DNMBP: variants seen among roughly 807,000 people sequenced by gnomAD.
The protein encoded by DNMBP is dynamin binding protein, also known as dynamin-binding protein.
A neutral mutation model predicts 150.0 loss-of-function variants in DNMBP; 87 were observed. The ratio of observed to expected loss-of-function variants is 0.58; its 90% CI spans 0.49 to 0.69. The LOEUF is 0.69. Among genes scored for constraint, DNMBP ranks in the 30% least tolerant of loss-of-function variants. DNMBP has a pLI of 0.00. For missense variants in DNMBP, 1,774 were observed against 1,949.0 expected (o/e 0.91, Z 1.69); for synonymous variants, 711 against 750.4 (o/e 0.95, Z 0.86).
chr10:99,922,527 T>TTTTTCA (rs1554864053), intron 4 of DNMBP, among the ~76,000 whole-genome samples: 1 of 78,966 alleles, frequency 1.3e-5, no homozygotes, highest in African/African-American at 5.3e-5. Flanking sequence ...TTTTTTTTCT[T>TTTTTCA]AAAAAAAAAA....
rs930394085 is a variant in DNMBP at position 99,897,573 on chromosome 10, T to C, written c.2920+513A>G. Reference sequence around the variant, plus strand: ...GAGAAAGGCTCTTATTGCTATATATTTTATTACAGATGCCTTATTTCCAAT... The same window carrying C: ...GAGAAAGGCTCTTATTGCTATATATCTTATTACAGATGCCTTATTTCCAAT... On this transcript the variant is annotated intron_variant, in intron 9 of 16. Transcript: ENST00000324109. Among the ~76,000 whole-genome samples, 4 of 152,194 alleles carry C rather than the reference T, an allele frequency of 2.6e-5. No individual in the cohort carries two copies. In the East Asian group the frequency reaches 7.7e-4, roughly 29 times the overall value.
At chr10:99,919,649 C>T (rs900334011) in intron 4 of DNMBP, among the ~76,000 whole-genome samples, 1 of 152,154 alleles carries the variant, frequency 6.6e-6, no homozygotes, top group Non-Finnish European at 1.5e-5. Flanking sequence ...AAGAATTAGC[C>T]GGATGTGGTG....
intron 2 of DNMBP, among the ~76,000 whole-genome samples, chr10:99,969,692 C>T (rs527871143): frequency 1.7e-4 from 26 of 152,260 alleles, no homozygotes; most frequent in African/African-American, 5.8e-4. Context: ...TTGAATCTGA[C>T]GGTGGACAAG....
At chr10:99,914,190 G>T in intron 4 of DNMBP, 1 of 1,132,306 alleles carries the variant, frequency 8.8e-7, no homozygotes, top group Non-Finnish European at 1.1e-6. Context: ...ACTGAGAAGT[G>T]CACCAGCGGG....
At chr10:99,970,589 GA>G (rs2133352899) in intron 2 of DNMBP, among the ~76,000 whole-genome samples, 1 of 152,218 alleles carries the variant, frequency 6.6e-6, no homozygotes, top group South Asian at 2.1e-4. Flanking sequence ...AGTGAAGAAT[GA>G]AAGAAAGGGT....
Position 99,908,002 on chromosome 10 carries a change from A to G in DNMBP, c.2547T>C (p.Asp849=), listed in dbSNP as rs2039847790. 2 of 1,613,470 alleles carry G rather than the reference A, an allele frequency of 1.2e-6. No individual in the cohort carries two copies. The highest frequency in any genetic ancestry group is 1.7e-6 in the Non-Finnish European group (2 of 1,179,416). ...KQLLAALEIS[D]AVGPVFLGHR... ...CAACACAGGAGCTCATACCTACAGC[A>G]TCGCTGATTTCCAGAGCAGCCAATA... The change falls in exon 6 of 17, where the codon GAT becomes GAC. Residue 849 remains aspartate, a synonymous_variant. Coordinates refer to ENST00000324109, the MANE Select transcript of DNMBP (RefSeq NM_015221.4).
intron 1 of DNMBP, among the ~76,000 whole-genome samples, chr10:100,005,468 C>G (rs1192051247): frequency 3.9e-5 from 6 of 152,064 alleles, no homozygotes; most frequent in Non-Finnish European, 7.4e-5. Flanking sequence ...AAACACTACT[C>G]AGAGACCTGG....
intron 4 of DNMBP, among the ~76,000 whole-genome samples, chr10:99,944,648 AAATT>A (rs1264909672): frequency 1.3e-5 from 2 of 152,198 alleles, no homozygotes; most frequent in Non-Finnish European, 2.9e-5. Flanking sequence ...TGGTAAAAAT[AAATT>A]GAGTATTTCC....
intron 2 of DNMBP, among the ~76,000 whole-genome samples, chr10:99,971,275 T>C (rs1438712709): frequency 1.3e-5 from 2 of 152,254 alleles, no homozygotes; most frequent in Middle Eastern, 3.4e-3. Flanking sequence ...CTGAAATTTA[T>C]TGACTTGGGC....
chr10:99,886,486 C>A lies in DNMBP; in HGVS notation c.3432G>T (p.Lys1144Asn). 1 of 1,614,178 alleles carries A rather than the reference C, an allele frequency of 6.2e-7. No homozygotes were observed. Among genetic ancestry groups the A allele is most frequent in the Non-Finnish European group, 8.5e-7 (1 of 1,180,036 alleles). The change falls in exon 13 of 17, where the codon AAG (lysine) becomes AAT (asparagine). Residue 1144 changes from lysine to asparagine, a missense_variant. By Grantham distance (94) the Lys-to-Asn change is moderately conservative (BLOSUM62 0). This residue lies in a region of DNMBP where 1,430 missense variants were observed against 1,492.5 expected (regional missense o/e 0.96). Transcript: ENST00000324109. ...CCGACTGCAGCTCCTCCAGGGTCTT[C>A]TTGTCCTTTAGCTTTTCTGCCCGTT... ...CTERAEKLKD[K>N]KTLEELQSAR...
intron 6 of DNMBP, among the ~76,000 whole-genome samples, chr10:99,904,413 A>G (rs6584330): frequency 0.45 from 68,026 of 151,796 alleles, 15,473 homozygotes; most frequent in African/African-American, 0.48. Flanking sequence ...AGAGTCTCCC[A>G]GTGCTGCTTG....
Position 99,937,863 on chromosome 10 carries a change from AG to A in DNMBP, c.2260+17350del, listed in dbSNP as rs547739403. Among the ~76,000 whole-genome samples the A allele has an allele frequency of 1.7e-3, 256 of 152,342 alleles. 1 individual carries two copies. The highest frequency in any genetic ancestry group is 2.7e-3 in the Non-Finnish European group (186 of 68,024). The stretch of plus-strand genomic sequence containing the variant: ...CAATAGGAAGTCAACATTATTCGGG[AG>A]GACAGCTTTCACCACAAGTTAAAAC... On this transcript the variant is annotated intron_variant, in intron 4 of 16. Transcript: ENST00000324109.
Position 99,955,405 on chromosome 10 carries a change from G to T in DNMBP, c.2069C>A (p.Pro690Gln). Residue 690 changes from proline to glutamine, a missense_variant, in exon 4 of 17, where the codon CCA becomes CAA. By Grantham distance (76) the Pro-to-Gln change is moderately conservative. Coordinates refer to ENST00000324109, the MANE Select transcript of DNMBP (RefSeq NM_015221.4). ...AATCCTCACCAGCACTAAGGGGCAT[G>T]GGGAGGTCTGGTCCAGACTCCTTCC... ...HMGRSLDQTS[P>Q]CPLVLVRIEE... 6.2e-7 allele frequency: 1 copy of T among 1,614,166 alleles called. No individual in the cohort carries two copies. The highest frequency in any genetic ancestry group is 8.5e-7 in the Non-Finnish European group (1 of 1,180,016).
At chr10:99,928,555 A>G (rs1356545426) in intron 4 of DNMBP, among the ~76,000 whole-genome samples, 2 of 152,230 alleles carry the variant, frequency 1.3e-5, no homozygotes, top group African/African-American at 4.8e-5. Flanking sequence ...CAGTAGAAAT[A>G]AAGCTCACTT....
intron 1 of DNMBP, among the ~76,000 whole-genome samples, chr10:99,996,141 A>G (rs1156609075): frequency 6.6e-6 from 1 of 152,238 alleles, no homozygotes; most frequent in Non-Finnish European, 1.5e-5. Flanking sequence ...TAATTTTTAA[A>G]CGTTTGGAAT....
chr10:99,976,546 A>C (rs1165638535), intron 1 of DNMBP, among the ~76,000 whole-genome samples: 1 of 152,128 alleles, frequency 6.6e-6, no homozygotes, highest in Non-Finnish European at 1.5e-5. Flanking sequence ...TGGAGGGGAG[A>C]CCACACGCAT....
intron 4 of DNMBP, among the ~76,000 whole-genome samples, chr10:99,934,116 A>T (rs1290219795): frequency 6.6e-6 from 1 of 152,100 alleles, no homozygotes; most frequent in Non-Finnish European, 1.5e-5. Context: ...CAGGACCAAG[A>T]CCCTATTTTT....
intron 4 of DNMBP, among the ~76,000 whole-genome samples, chr10:99,924,066 A>G (rs752240889): frequency 6.6e-5 from 10 of 152,098 alleles, no homozygotes; most frequent in Non-Finnish European, 1.0e-4. Context: ...AGACAGGAGA[A>G]TCGCTTGAAC....
intron 1 of DNMBP, among the ~76,000 whole-genome samples, chr10:99,979,767 G>A (rs1266684642): frequency 6.6e-6 from 1 of 152,134 alleles, no homozygotes; most frequent in Non-Finnish European, 1.5e-5. Context: ...GCCACAGCAC[G>A]CCGTTTTCAG....
Sources: gnomAD v4.1 joint callset for allele counts (sites outside exome capture counted in the v4.1 genomes callset) on GRCh38, gnomAD v4.1.1 for gene constraint, gnomAD v4.1.1 regional missense constraint, MANE v1.5 for transcripts, NCBI Gene and HGNC (gene_info 2026-07-23, HGNC 2026-07-21) for gene names.